TFCP2L1: variants seen among roughly 807,000 people sequenced by gnomAD.
TFCP2L1 encodes transcription factor CP2 like 1, also known as transcription factor CP2-like protein 1.
TFCP2L1 carries 12 observed loss-of-function variants against 72.2 expected under a neutral mutation model. The observed-to-expected ratio is 0.17, with a 90% CI of 0.11 to 0.27. The LOEUF is 0.27. Ranked by LOEUF, TFCP2L1 falls within the 10% of genes least tolerant of loss-of-function variation. TFCP2L1 has a pLI of 1.00. For missense variants in TFCP2L1, 488 were observed against 624.6 expected, an observed-to-expected ratio of 0.78 and a Z score of 2.33; for synonymous variants, 260 against 251.0, an observed-to-expected ratio of 1.04 and a Z score of -0.34.
chr2:121,232,093 C>T (rs1573359544), intron 12 of TFCP2L1, 125 bp from the exon 13 acceptor site: 1 of 940,682 alleles, frequency 1.1e-6, no homozygotes, highest in Non-Finnish European at 1.6e-6. Flanking sequence ...CGGGGCAGGA[C>T]CACACTGCCA....
At chr2:121,249,117 T>C (rs1396013087) in intron 3 of TFCP2L1, 30 bp from the exon 4 acceptor site, 1 of 1,498,928 alleles carries the variant, frequency 6.7e-7, no homozygotes, top group Non-Finnish European at 9.0e-7. Flanking sequence ...GGGAAACAAG[T>C]GACCGCGGGG....
At chr2:121,254,369 A>C (rs918014844) in intron 2 of TFCP2L1, among the ~76,000 whole-genome samples, 3 of 152,320 alleles carry the variant, frequency 2.0e-5, no homozygotes, top group Non-Finnish European at 4.4e-5. Flanking sequence ...AAAGTGAGCA[A>C]TAGGTATCCA....
chr2:121,245,834 C>T (rs997615914), intron 6 of TFCP2L1, among the ~76,000 whole-genome samples: 1 of 152,166 alleles, frequency 6.6e-6, no homozygotes, highest in Non-Finnish European at 1.5e-5. Flanking sequence ...AAGCATGGGT[C>T]TTCCACAGGC....
intron 7 of TFCP2L1, 140 bp downstream of exon 7, chr2:121,242,219 A>G: frequency 1.5e-6 from 1 of 684,692 alleles, no homozygotes; most frequent in Admixed American, 2.4e-5. Flanking sequence ...CGAGCTCCAG[A>G]CACTGGAACC....
chr2:121,231,053 C>A (rs990319411), intron 13 of TFCP2L1, among the ~76,000 whole-genome samples: 1 of 152,232 alleles, frequency 6.6e-6, no homozygotes, highest in Non-Finnish European at 1.5e-5. Flanking sequence ...ACCCACTGTT[C>A]AACCTGGGGC....
Position 121,219,673 on chromosome 2 carries a change from G to C in TFCP2L1, c.*4668C>G, listed in dbSNP as rs1237427885. 1 of 152,168 alleles carries C rather than the reference G, an allele frequency of 6.6e-6. No individual in the cohort carries two copies. Among genetic ancestry groups the C allele is most frequent in the African/African-American group, 2.4e-5 (1 of 41,436 alleles). The allele number at this position is 152,168 out of a possible 1,614,324, so 9.4% of individuals were successfully genotyped here. A position where few individuals can be genotyped will look rare whatever the true frequency, so the allele number is the denominator to read the frequency against. On this transcript the variant is annotated 3_prime_UTR_variant, in exon 15 of 15. Coordinates refer to ENST00000263707, the MANE Select transcript of TFCP2L1 (RefSeq NM_014553.3). ...AAAGACAGAGATGGAGTCTCACTAC[G>C]ATGCCCAGGCTGGTCTCGAACTCTT...
At chr2:121,231,800 G>GGGGCA in intron 13 of TFCP2L1, 26 bp downstream of exon 13, 2 of 1,609,616 alleles carry the variant, frequency 1.2e-6, no homozygotes, top group Non-Finnish European at 8.5e-7. Flanking sequence ...GCCCGTTGTC[G>GGGGCA]GGGCAGGCCA....
At chr2:121,284,259 A>G (rs1000952430) in intron 1 of TFCP2L1, among the ~76,000 whole-genome samples, 1 of 152,200 alleles carries the variant, frequency 6.6e-6, no homozygotes, top group Non-Finnish European at 1.5e-5. Flanking sequence ...GGAAATAAGG[A>G]CAGGCTAAAG....
intron 1 of TFCP2L1, among the ~76,000 whole-genome samples, chr2:121,281,944 C>CG (rs1408289064): frequency 2.1e-4 from 17 of 82,322 alleles, no homozygotes; most frequent in East Asian, 9.2e-4. Flanking sequence ...TGGGCGGGGG[C>CG]GGGGGGGACG....
At chr2:121,242,044 A>G (rs1002204412) in intron 7 of TFCP2L1, among the ~76,000 whole-genome samples, 2 of 133,074 alleles carry the variant, frequency 1.5e-5, no homozygotes, top group African/African-American at 6.1e-5. Context: ...ACTCTCTTGT[A>G]CCTTTTGAAT....
rs1686796546 is a variant in TFCP2L1 at position 121,259,670 on chromosome 2, T to TAC, written c.215-10025_215-10024dup. 2.0e-5 allele frequency among the ~76,000 whole-genome samples: 3 copies of TAC among 152,212 alleles called. No homozygotes were observed. The South Asian group carries it at 6.2e-4, about 31-fold the overall frequency. On this transcript the variant is annotated intron_variant, in intron 2 of 14. Transcript: ENST00000263707. ...TATAGATGTAAAAAGCCATCCACCA[T>TAC]ACACACACATGAAAAAGCAAGTTGC...
rs1282193463 is a variant in TFCP2L1, at chr2:121,263,878, A to G, written c.215-14231T>C. Reference sequence around the variant, plus strand: ...CTGGGGCAGAGGTGGGTGACTTACCATAATCCCTTTTACCACTTAAATTCT... The same window carrying G: ...CTGGGGCAGAGGTGGGTGACTTACCGTAATCCCTTTTACCACTTAAATTCT... On this transcript the variant is annotated intron_variant, in intron 2 of 14. Coordinates refer to ENST00000263707, the MANE Select transcript of TFCP2L1 (RefSeq NM_014553.3). 2.0e-5 allele frequency among the ~76,000 whole-genome samples: 3 copies of G among 152,382 alleles called. No individual in the cohort carries two copies. The East Asian group carries it at 5.8e-4, about 29-fold the overall frequency.
chr2:121,257,525 AG>A (rs910480611), intron 2 of TFCP2L1, among the ~76,000 whole-genome samples: 1 of 152,198 alleles, frequency 6.6e-6, no homozygotes, highest in Non-Finnish European at 1.5e-5. Context: ...AGCAGGGGGC[AG>A]GGGGGAGGCC....
intron 14 of TFCP2L1, among the ~76,000 whole-genome samples, chr2:121,225,319 T>C (rs1488728049): frequency 2.0e-5 from 3 of 152,190 alleles, no homozygotes; most frequent in Non-Finnish European, 4.4e-5. Context: ...ACAATGCTTC[T>C]ACTCAACACT....
chr2:121,231,308 G>A (rs11694902), intron 13 of TFCP2L1, among the ~76,000 whole-genome samples: 17,434 of 152,280 alleles, frequency 0.11, 1,155 homozygotes, highest in Middle Eastern at 0.15. Context: ...AGCCATGAGC[G>A]GGTCAGATCC....
chr2:121,241,953 G>T (rs898212926), intron 7 of TFCP2L1, among the ~76,000 whole-genome samples: 9 of 152,048 alleles, frequency 5.9e-5, no homozygotes, highest in Admixed American at 5.9e-4. Flanking sequence ...ACAAAGTTGG[G>T]CCAGATACAG....
chr2:121,228,114 G>A (rs1280370439), intron 13 of TFCP2L1, among the ~76,000 whole-genome samples: 1 of 152,240 alleles, frequency 6.6e-6, no homozygotes, highest in Non-Finnish European at 1.5e-5. Flanking sequence ...TAGATTCGGG[G>A]TTAAGAGGCA....
At chr2:121,284,173 T>A (rs930185187) in intron 1 of TFCP2L1, among the ~76,000 whole-genome samples, 2 of 152,172 alleles carry the variant, frequency 1.3e-5, no homozygotes, top group African/African-American at 4.8e-5. Flanking sequence ...TTCGGCCTCA[T>A]CATTCATTTT....
intron 13 of TFCP2L1, among the ~76,000 whole-genome samples, chr2:121,229,196 C>T (rs1378824133): frequency 6.6e-6 from 1 of 152,160 alleles, no homozygotes; most frequent in African/African-American, 2.4e-5. Flanking sequence ...GGATTACAGA[C>T]ATGAGCCACC....
Sources: allele counts gnomAD v4.1 joint callset (sites outside exome capture counted in the v4.1 genomes callset), GRCh38; gene constraint gnomAD v4.1.1; transcripts MANE v1.5; gene names NCBI Gene and HGNC (gene_info 2026-07-23, HGNC 2026-07-21).